CSMD1: variants seen among roughly 807,000 people sequenced by gnomAD.
CSMD1 encodes the protein CUB and Sushi multiple domains 1.
A neutral mutation model predicts 417.5 loss-of-function variants in CSMD1; 213 were observed. The ratio of observed to expected loss-of-function variants is 0.51; its 90% CI spans 0.46 to 0.57. CSMD1 has a LOEUF of 0.57. CSMD1 is among the 20% of genes least tolerant of loss of function. The pLI is 0.00. For missense variants in CSMD1, 6,923 were observed against 4,529.7 expected (o/e 1.53, Z -15.17); for synonymous variants, 2,862 against 1,736.8 (o/e 1.65, Z -16.11).
rs77884314 is a variant in CSMD1 at position 4,246,165 on chromosome 8, C to A, written c.415+173788G>T. ...GTACCCATTATTTTCCTGATCCCCTCTTTCTTCCAATATTCCATCCTCCAA... is the reference window on the plus strand; with the variant it reads ...GTACCCATTATTTTCCTGATCCCCTATTTCTTCCAATATTCCATCCTCCAA... On this transcript the variant is annotated intron_variant, in intron 3 of 69. Transcript: ENST00000635120. Among the ~76,000 whole-genome samples, 899 of 152,252 alleles carry A rather than the reference C, an allele frequency of 5.9e-3. 7 individuals are homozygous for A. Among genetic ancestry groups the A allele is most frequent in the African/African-American group, 0.021 (854 of 41,552 alleles).
intron 23 of CSMD1, among the ~76,000 whole-genome samples, chr8:3,342,556 G>A (rs1468757108): frequency 6.6e-6 from 1 of 152,110 alleles, no homozygotes; most frequent in South Asian, 2.1e-4. Context: ...TAAAAATGCT[G>A]AAAGTGGCAG....
At chr8:3,149,318 A>G (rs1257374659) in intron 40 of CSMD1, among the ~76,000 whole-genome samples, 1 of 152,212 alleles carries the variant, frequency 6.6e-6, no homozygotes, top group Non-Finnish European at 1.5e-5. Flanking sequence ...CATAAATACA[A>G]TGTTTCCAGT....
chr8:3,418,442 C>G (rs1352646864), intron 12 of CSMD1, among the ~76,000 whole-genome samples: 1 of 152,132 alleles, frequency 6.6e-6, no homozygotes, highest in Non-Finnish European at 1.5e-5. Context: ...TCAGAGAGCA[C>G]TTACTGGGAA....
intron 10 of CSMD1, among the ~76,000 whole-genome samples, chr8:3,509,101 C>T (rs540721473): frequency 1.3e-5 from 2 of 152,102 alleles, no homozygotes; most frequent in Non-Finnish European, 2.9e-5. Flanking sequence ...AAAATTAATG[C>T]GTGCTCAGTA....
chr8:4,669,038 C>T (rs942605889), intron 1 of CSMD1, among the ~76,000 whole-genome samples: 3 of 152,054 alleles, frequency 2.0e-5, no homozygotes, highest in Non-Finnish European at 1.5e-5. Context: ...ATATTACTTT[C>T]ATCTTATATT....
intron 3 of CSMD1, among the ~76,000 whole-genome samples, chr8:4,067,637 G>C (rs568572157): frequency 1.1e-4 from 17 of 152,178 alleles, no homozygotes; most frequent in Non-Finnish European, 2.1e-4. Flanking sequence ...TACATAAACT[G>C]ATTTCATTCA....
intron 41 of CSMD1, among the ~76,000 whole-genome samples, chr8:3,120,276 G>T (rs567797101): frequency 1.3e-5 from 2 of 152,104 alleles, no homozygotes; most frequent in Non-Finnish European, 2.9e-5. Context: ...GGCAGCTAAG[G>T]CTCAGAATAT....
chr8:3,131,811 G>A (rs930997882), intron 41 of CSMD1, among the ~76,000 whole-genome samples: 4 of 152,110 alleles, frequency 2.6e-5, no homozygotes, highest in Non-Finnish European at 5.9e-5. Flanking sequence ...CCTTTAAAAT[G>A]TAAGGAAATG....
At chr8:3,055,324 G>A (rs1259703737) in intron 49 of CSMD1, among the ~76,000 whole-genome samples, 2 of 152,102 alleles carry the variant, frequency 1.3e-5, no homozygotes, top group East Asian at 3.9e-4. Context: ...CAACAACCGG[G>A]AATCTTTTTA....
At chr8:3,802,054 G>A (rs1359449123) in intron 5 of CSMD1, among the ~76,000 whole-genome samples, 1 of 152,086 alleles carries the variant, frequency 6.6e-6, no homozygotes, top group Non-Finnish European at 1.5e-5. Flanking sequence ...TCATGGAATT[G>A]CACACTTTAT....
At chr8:4,376,359 G>T (rs549023026) in intron 3 of CSMD1, among the ~76,000 whole-genome samples, 2 of 152,234 alleles carry the variant, frequency 1.3e-5, no homozygotes, top group African/African-American at 4.8e-5. Context: ...TCAACTCTTA[G>T]AAATACTTAC....
At chr8:3,430,437 G>A (rs542276534) in intron 12 of CSMD1, among the ~76,000 whole-genome samples, 4 of 152,118 alleles carry the variant, frequency 2.6e-5, no homozygotes, top group Non-Finnish European at 1.5e-5. Flanking sequence ...TCTGACATAT[G>A]TAGTAGGTAT....
chr8:4,449,395 C>T (rs1051634714), intron 2 of CSMD1, among the ~76,000 whole-genome samples: 1 of 152,146 alleles, frequency 6.6e-6, no homozygotes, highest in Admixed American at 6.6e-5. Context: ...ATAAGAGATA[C>T]TGTGGCTATG....
At chr8:4,311,112 G>T (rs1326272721) in intron 3 of CSMD1, among the ~76,000 whole-genome samples, 1 of 152,166 alleles carries the variant, frequency 6.6e-6, no homozygotes, top group Non-Finnish European at 1.5e-5. Context: ...AGAGCTAGAA[G>T]CTGAACTGCC....
intron 3 of CSMD1, among the ~76,000 whole-genome samples, chr8:4,186,390 C>A (rs186400693): frequency 6.6e-6 from 1 of 152,118 alleles, no homozygotes; most frequent in Non-Finnish European, 1.5e-5. Flanking sequence ...TCTCTGCTCA[C>A]CCCAAGACAG....
At chr8:4,367,068 T>G (rs534598709) in intron 3 of CSMD1, among the ~76,000 whole-genome samples, 1 of 152,304 alleles carries the variant, frequency 6.6e-6, no homozygotes, top group Admixed American at 6.5e-5. Context: ...ACTTGTCAAT[T>G]TTTATTTTTA....
At chr8:3,275,488 T>A (rs1404915433) in intron 26 of CSMD1, among the ~76,000 whole-genome samples, 1 of 152,206 alleles carries the variant, frequency 6.6e-6, no homozygotes, top group Non-Finnish European at 1.5e-5. Context: ...CTTGCTAGAT[T>A]GGGGAAGTTC....
intron 10 of CSMD1, among the ~76,000 whole-genome samples, chr8:3,542,160 C>T (rs1238118189): frequency 6.6e-6 from 1 of 152,126 alleles, no homozygotes; most frequent in South Asian, 2.1e-4. Flanking sequence ...TACATTATTA[C>T]AAAATACTTC....
At chr8:4,970,736 C>A (rs1459174048) in intron 1 of CSMD1, among the ~76,000 whole-genome samples, 6 of 152,078 alleles carry the variant, frequency 3.9e-5, no homozygotes, top group African/African-American at 1.2e-4. Flanking sequence ...AGCAAGTGTG[C>A]CTGCCGTGGT....
Sources: gnomAD v4.1 joint callset for allele counts (sites outside exome capture counted in the v4.1 genomes callset) on GRCh38, gnomAD v4.1.1 for gene constraint, MANE v1.5 for transcripts, NCBI Gene and HGNC (gene_info 2026-07-23, HGNC 2026-07-21) for gene names.